The following ST3GAL6 variants were observed in gnomAD, a reference collection of about 807,000 sequenced individuals.
ST3GAL6 encodes the protein ST3 beta-galactoside alpha-2,3-sialyltransferase 6.
A neutral mutation model predicts 40.5 loss-of-function variants in ST3GAL6; 31 were observed. That is an observed-to-expected ratio of 0.77 (90% confidence interval 0.58 to 1.03). The LOEUF (loss-of-function observed/expected upper bound fraction) is 1.03, where lower values mean the gene tolerates loss of function less well. Among genes scored for constraint, ST3GAL6 ranks in the 50% least tolerant of loss-of-function variants. The pLI is 0.00. For synonymous variants in ST3GAL6, 129 were observed against 136.9 expected, an observed-to-expected ratio of 0.94 and a Z score of 0.40; for missense variants, 357 against 393.2, an observed-to-expected ratio of 0.91 and a Z score of 0.78.
At chr3:98,791,378 C>G (rs1941193483) in intron 8 of ST3GAL6, among the ~76,000 whole-genome samples, 1 of 152,162 alleles carries the variant, frequency 6.6e-6, no homozygotes, top group South Asian at 2.1e-4. Flanking sequence ...TAAAATATAG[C>G]TATTCGAAGG....
At chr3:98,780,671 AC>A (rs764433143) in intron 5 of ST3GAL6, among the ~76,000 whole-genome samples, 3 of 151,946 alleles carry the variant, frequency 2.0e-5, no homozygotes, top group Non-Finnish European at 2.9e-5. Context: ...GAAACCCTAG[AC>A]CCCTCTTTTT....
At chr3:98,749,784 G>A (rs1325231758) in intron 1 of ST3GAL6, among the ~76,000 whole-genome samples, 2 of 152,206 alleles carry the variant, frequency 1.3e-5, no homozygotes, top group Non-Finnish European at 2.9e-5. Flanking sequence ...GTGTAAGGAA[G>A]GGCTGTGTAT....
chr3:98,789,206 T>C (rs929382054), intron 8 of ST3GAL6, among the ~76,000 whole-genome samples: 1 of 152,186 alleles, frequency 6.6e-6, no homozygotes, highest in South Asian at 2.1e-4. Flanking sequence ...GAAATAAATA[T>C]ACATCATGTA....
At chr3:98,766,502 A>G (rs1938360820) in intron 1 of ST3GAL6, among the ~76,000 whole-genome samples, 1 of 143,450 alleles carries the variant, frequency 7.0e-6, no homozygotes, top group African/African-American at 2.7e-5. Flanking sequence ...GCTCACTGCA[A>G]CCTCTGCCTC....
At chr3:98,740,457 G>A (rs773586989) in intron 1 of ST3GAL6, among the ~76,000 whole-genome samples, 4 of 151,950 alleles carry the variant, frequency 2.6e-5, no homozygotes, top group Non-Finnish European at 4.4e-5. Context: ...GTTTGACGCT[G>A]TAGCCACGCA....
At chr3:98,771,178 T>A (rs1938948675) in intron 3 of ST3GAL6, 1 of 1,466,914 alleles carries the variant, frequency 6.8e-7, no homozygotes, top group Admixed American at 2.0e-5. Context: ...AAACCAGTAT[T>A]CTTTTCACAC....
At chr3:98,756,412 T>C in intron 1 of ST3GAL6, 1 of 1,289,802 alleles carries the variant, frequency 7.8e-7, no homozygotes, top group Non-Finnish European at 1.0e-6. Flanking sequence ...TTTTAGATAA[T>C]TTCTAACAGA....
chr3:98,750,804 G>A (rs1936951336), intron 1 of ST3GAL6, among the ~76,000 whole-genome samples: 1 of 152,088 alleles, frequency 6.6e-6, no homozygotes, highest in Non-Finnish European at 1.5e-5. Context: ...TATTAGCAAG[G>A]TCTTCCTAGT....
intron 1 of ST3GAL6, among the ~76,000 whole-genome samples, chr3:98,745,941 A>G (rs1312878394): frequency 1.3e-5 from 2 of 152,152 alleles, no homozygotes; most frequent in African/African-American, 4.8e-5. Context: ...TGCCTTTAGT[A>G]CATCCATACT....
intron 1 of ST3GAL6, among the ~76,000 whole-genome samples, chr3:98,757,045 TCTTA>T (rs959150127): frequency 2.6e-5 from 4 of 152,222 alleles, no homozygotes; most frequent in African/African-American, 7.2e-5. Context: ...GGCTGATTTT[TCTTA>T]CTTTTTTTGG....
intron 2 of ST3GAL6, 51 bp downstream of exon 2, chr3:98,768,580 C>A: frequency 7.6e-7 from 1 of 1,324,198 alleles, no homozygotes; most frequent in Non-Finnish European, 1.1e-6. Flanking sequence ...GTCTTTCACA[C>A]AAATCCACAA....
At chr3:98,771,738 CT>C (rs1246598050) in intron 3 of ST3GAL6, among the ~76,000 whole-genome samples, 4 of 152,132 alleles carry the variant, frequency 2.6e-5, no homozygotes, top group African/African-American at 9.7e-5. Flanking sequence ...ATACATAAGA[CT>C]TTTTCGTATA....
Position 98,772,839 on chromosome 3 carries a change from G to T in ST3GAL6, c.194G>T (p.Cys65Phe). The T allele has an allele frequency of 6.2e-7, 1 of 1,613,202 alleles. No individual in the cohort carries two copies. Among genetic ancestry groups the T allele is most frequent in the Non-Finnish European group, 8.5e-7 (1 of 1,179,434 alleles). The part of the protein sequence containing the change: ...LRFHQFHPFL[C>F]AADFRKIASL... ...TTTCATCAGTTTCACCCTTTTCTGTGTGCGGCTGATTTTAGAAAGATTGCT... is the reference window on the plus strand; with the variant it reads ...TTTCATCAGTTTCACCCTTTTCTGTTTGCGGCTGATTTTAGAAAGATTGCT... The change falls in exon 4 of 10, where the codon TGT becomes TTT. Residue 65 changes from cysteine (C) to phenylalanine (F), a missense_variant. Physicochemically the swap from Cys to Phe is radical, Grantham distance 205. Coordinates refer to ENST00000483910, the MANE Select transcript of ST3GAL6 (RefSeq NM_001323368.2).
intron 1 of ST3GAL6, among the ~76,000 whole-genome samples, chr3:98,753,698 C>T (rs191607233): frequency 6.2e-4 from 94 of 152,354 alleles, no homozygotes; most frequent in Non-Finnish European, 8.8e-5. Context: ...AGTGCGGTAG[C>T]TTACGCCTGT....
chr3:98,733,250 G>A, intron 1 of ST3GAL6: 1 of 981,230 alleles, frequency 1.0e-6, no homozygotes, highest in Non-Finnish European at 1.2e-6. Flanking sequence ...CGCAGCCACC[G>A]CCGAGAGGGC....
At chr3:98,752,672 C>T (rs1014094249) in intron 1 of ST3GAL6, among the ~76,000 whole-genome samples, 2 of 152,040 alleles carry the variant, frequency 1.3e-5, no homozygotes, top group South Asian at 2.1e-4. Context: ...GGGGTTTCAC[C>T]GTGTTAGCCA....
chr3:98,733,061 C>G (rs1321960069), intron 1 of ST3GAL6: 2 of 1,410,952 alleles, frequency 1.4e-6, no homozygotes, highest in African/African-American at 1.5e-5. Context: ...GGGGTCCGGG[C>G]GGCCTGGGGT....
intron 3 of ST3GAL6, among the ~76,000 whole-genome samples, chr3:98,771,346 A>G (rs1938968539): frequency 6.6e-6 from 1 of 152,128 alleles, no homozygotes; most frequent in South Asian, 2.1e-4. Flanking sequence ...TTGAGTAGAA[A>G]TTTTCCCTTT....
intron 6 of ST3GAL6, among the ~76,000 whole-genome samples, chr3:98,785,347 A>G (rs1219844267): frequency 6.6e-6 from 1 of 152,220 alleles, no homozygotes; most frequent in African/African-American, 2.4e-5. Context: ...ATATAAAAAT[A>G]ATAAATGCCA....
Sources: allele counts gnomAD v4.1 joint callset (sites outside exome capture counted in the v4.1 genomes callset), GRCh38; gene constraint gnomAD v4.1.1; transcripts MANE v1.5; gene names NCBI Gene and HGNC (gene_info 2026-07-23, HGNC 2026-07-21).